Variants in UGT1A7 observed in about 807,000 individuals in gnomAD.
UGT1A7 encodes the protein UDP glucuronosyltransferase family 1 member A7.
In UGT1A7, 33 loss-of-function variants were observed where a neutral mutation model predicts 45.6. That is an observed-to-expected ratio of 0.72 (90% CI 0.55 to 0.97). UGT1A7 has a LOEUF of 0.97. Among genes scored for constraint, UGT1A7 ranks in the 50% least tolerant of loss-of-function variants. UGT1A7 has a pLI of 0.00. For synonymous variants in UGT1A7, 274 were observed against 250.6 expected (o/e 1.09, Z -0.88); for missense variants, 684 against 666.2 (o/e 1.03, Z -0.29).
rs762018928 is a variant in UGT1A7 at position 233,757,539 on chromosome 2, T to TATATACATATAC, written c.856-9490_856-9489insCATATACATATA. 2.5e-3 allele frequency among the ~76,000 whole-genome samples: 287 copies of TATATACATATAC among 115,694 alleles called. 10 individuals are homozygous for TATATACATATAC. The highest frequency in any genetic ancestry group is 0.013 in the Admixed American group (155 of 12,116). 75.9% of individuals were successfully genotyped at this position (115,694 alleles called of 152,430 possible). ...GCCAAAATCTTGCCTGTAAGGAATA[T>TATATACATATAC]ATATATATATATATATATATATGTA... On this transcript the variant is annotated intron_variant, in intron 1 of 4. Coordinates refer to ENST00000373426, the MANE Select transcript of UGT1A7 (RefSeq NM_019077.3).
chr2:233,712,323 T>C (rs1173585245), intron 1 of UGT1A7, among the ~76,000 whole-genome samples: 1 of 149,960 alleles, frequency 6.7e-6, no homozygotes, highest in Non-Finnish European at 1.5e-5. Flanking sequence ...ACAAAGCCTT[T>C]CCAAGAATCT....
intron 1 of UGT1A7, chr2:233,693,465 C>T (rs139410055): frequency 3.7e-6 from 6 of 1,614,070 alleles, no homozygotes; most frequent in Non-Finnish European, 5.1e-6. Context: ...CCAGCCTTAC[C>T]CTGTGGGGTG....
At chr2:233,772,199 A>T (rs1700481420) in intron 4 of UGT1A7, 63 bp from the exon 5 acceptor site, 2 of 1,605,338 alleles carry the variant, frequency 1.2e-6, no homozygotes, top group African/African-American at 1.3e-5. Flanking sequence ...AGCCATGAGC[A>T]TAAAGAGAGG....
intron 1 of UGT1A7, chr2:233,747,091 T>G (rs1693559747): frequency 8.0e-7 from 1 of 1,256,442 alleles, no homozygotes. Context: ...AGGAGAGCAC[T>G]CTATCTTCCA....
chr2:233,768,011 A>C lies in UGT1A7; in HGVS notation c.1075+75A>C, dbSNP rs1159299269. On this transcript the variant is annotated intron_variant, in intron 3 of 4. Coordinates refer to ENST00000373426, the MANE Select transcript of UGT1A7 (RefSeq NM_019077.3). ...AAATGGCTTAAGCACAGCTATTCTA[A>C]AGGATTGTTGAGCTTGAAAATATTA... 8 of 1,613,860 alleles carry C rather than the reference A, an allele frequency of 5.0e-6. No individual in the cohort carries two copies. In the East Asian group the frequency reaches 1.8e-4, roughly 36 times the overall value.
intron 1 of UGT1A7, chr2:233,719,003 C>A: frequency 6.2e-7 from 1 of 1,614,256 alleles, no homozygotes; most frequent in Non-Finnish European, 8.5e-7. Flanking sequence ...CGGTGGTCCT[C>A]ACCCCAGAGG....
At chr2:233,761,124 C>G (rs1406825274) in intron 1 of UGT1A7, 1 of 1,614,202 alleles carries the variant, frequency 6.2e-7, no homozygotes. Flanking sequence ...GTGGAATCAA[C>G]TGCCTTCACC....
intron 1 of UGT1A7, among the ~76,000 whole-genome samples, chr2:233,683,390 T>C (rs961158965): frequency 2.0e-5 from 3 of 152,206 alleles, no homozygotes; most frequent in Non-Finnish European, 2.9e-5. Flanking sequence ...TTAAGATTGA[T>C]AGAGATTTAA....
At position 233,682,510 on chromosome 2, in the gene UGT1A7, C is replaced by T; in HGVS notation, c.573C>T (p.Pro191=). The change falls in exon 1 of 5, where the codon CCC becomes CCT. Residue 191 remains proline, a synonymous_variant. Transcript: ENST00000373426. ...GCCCTGCTCCTCTTTCCTATGTCCCCAGACTTCTCTTAGGGTTCTCAGACG... is the reference window on the plus strand; with the variant it reads ...GCCCTGCTCCTCTTTCCTATGTCCCTAGACTTCTCTTAGGGTTCTCAGACG... ...AQCPAPLSYV[P]RLLLGFSDAM... 1 of 1,613,930 alleles carries T rather than the reference C, an allele frequency of 6.2e-7. No individual in the cohort carries two copies. The highest frequency in any genetic ancestry group is 8.5e-7 in the Non-Finnish European group (1 of 1,179,858).
At chr2:233,709,276 T>A (rs912959926) in intron 1 of UGT1A7, among the ~76,000 whole-genome samples, 1 of 152,202 alleles carries the variant, frequency 6.6e-6, no homozygotes, top group African/African-American at 2.4e-5. Flanking sequence ...ACGCTGTGAA[T>A]TACCCTTCAA....
chr2:233,699,893 G>A lies in UGT1A7; in HGVS notation c.855+17101G>A, dbSNP rs193246274. Among the ~76,000 whole-genome samples the A allele has an allele frequency of 5.3e-5, 8 of 152,302 alleles. No homozygotes were observed. The East Asian group carries it at 1.5e-3, about 29-fold the overall frequency. On this transcript the variant is annotated intron_variant, in intron 1 of 4. Coordinates refer to ENST00000373426, the MANE Select transcript of UGT1A7 (RefSeq NM_019077.3). Reference sequence around the variant, plus strand: ...TTTTTGGTGTTGCAATTGGAGAGGCGAAATAGTCAGTAGGATATACGTAGA... The same window carrying A: ...TTTTTGGTGTTGCAATTGGAGAGGCAAAATAGTCAGTAGGATATACGTAGA...
At chr2:233,736,528 A>T (rs895463431) in intron 1 of UGT1A7, among the ~76,000 whole-genome samples, 1 of 152,204 alleles carries the variant, frequency 6.6e-6, no homozygotes, top group African/African-American at 2.4e-5. Context: ...CGTCAAAGTC[A>T]TTCTCTTTCC....
At chr2:233,720,705 T>C (rs1394556391) in intron 1 of UGT1A7, among the ~76,000 whole-genome samples, 4 of 134,894 alleles carry the variant, frequency 3.0e-5, no homozygotes, top group Admixed American at 7.2e-5. Context: ...GGAGCCATCC[T>C]TTTTTTTTTT....
At chr2:233,696,701 C>T (rs915031965) in intron 1 of UGT1A7, among the ~76,000 whole-genome samples, 7 of 152,078 alleles carry the variant, frequency 4.6e-5, no homozygotes, top group African/African-American at 1.7e-4. Context: ...TTGTCTTATT[C>T]CAGATTTTAG....
intron 1 of UGT1A7, among the ~76,000 whole-genome samples, chr2:233,707,487 C>G (rs557810076): frequency 6.7e-6 from 1 of 149,442 alleles, no homozygotes; most frequent in East Asian, 2.0e-4. Context: ...ATGATTTTAC[C>G]TGTTTCGGTA....
At chr2:233,762,750 TA>T (rs777496065) in intron 1 of UGT1A7, among the ~76,000 whole-genome samples, 22 of 152,278 alleles carry the variant, frequency 1.4e-4, no homozygotes, top group East Asian at 1.9e-4. Flanking sequence ...GTGAATGTGT[TA>T]TTTTTTTGCA....
chr2:233,728,546 C>T (rs2008595), intron 1 of UGT1A7, among the ~76,000 whole-genome samples: 83,886 of 152,146 alleles, frequency 0.55, 25,265 homozygotes, highest in African/African-American at 0.81. Context: ...AGAGTCCTCT[C>T]TGATCCTTAC....
At position 233,760,569 on chromosome 2, in the gene UGT1A7, T is replaced by C. The variant is rs146052898; in HGVS notation, c.856-6465T>C. On this transcript the variant is annotated intron_variant, in intron 1 of 4. Transcript: ENST00000373426. ...AGGATGTGAAAGAGTCTTTTGTTAGTCTCGGGCATAATGTTTTTGAGAATG... is the reference window on the plus strand; with the variant it reads ...AGGATGTGAAAGAGTCTTTTGTTAGCCTCGGGCATAATGTTTTTGAGAATG... 389 of 1,614,128 alleles carry C rather than the reference T, an allele frequency of 2.4e-4. No homozygotes were observed. The highest frequency in any genetic ancestry group is 3.1e-4 in the Non-Finnish European group (360 of 1,180,054).
rs777889736 is a variant in UGT1A7, at chr2:233,719,093, C to T, written c.855+36301C>T. On this transcript the variant is annotated intron_variant, in intron 1 of 4. Transcript: ENST00000373426. ...CATGGACCCAGAAGGAATTTGATCGCGTTACGCTGGGCTACACTCAAGGGT... is the reference window on the plus strand; with the variant it reads ...CATGGACCCAGAAGGAATTTGATCGTGTTACGCTGGGCTACACTCAAGGGT... 15 of 1,614,122 alleles carry T rather than the reference C, an allele frequency of 9.3e-6. No homozygotes were observed. The Admixed American group carries it at 1.0e-4, about 11-fold the overall frequency.
Sources: allele counts gnomAD v4.1 joint callset (sites outside exome capture counted in the v4.1 genomes callset), GRCh38; gene constraint gnomAD v4.1.1; transcripts MANE v1.5; gene names NCBI Gene and HGNC (gene_info 2026-07-23, HGNC 2026-07-21).